The following FRAS1 variants were observed in gnomAD, a reference collection of about 807,000 sequenced individuals.
FRAS1 encodes Fraser extracellular matrix complex subunit 1, also known as extracellular matrix organizing protein FRAS1.
A neutral mutation model predicts 435.2 loss-of-function variants in FRAS1; 290 were observed. The observed-to-expected ratio is 0.67, with a 90% CI of 0.61 to 0.73. The LOEUF is 0.73. Among genes scored for constraint, FRAS1 ranks in the 30% least tolerant of loss-of-function variants. The pLI is 0.00. For synonymous variants in FRAS1, 1,800 were observed against 1,851.0 expected (o/e 0.97, Z 0.71); for missense variants, 4,860 against 5,001.5 (o/e 0.97, Z 0.85).
At chr4:78,174,632 TA>T (rs1285154157) in intron 2 of FRAS1, among the ~76,000 whole-genome samples, 1 of 152,182 alleles carries the variant, frequency 6.6e-6, no homozygotes, top group East Asian at 1.9e-4. Context: ...ATAAGCCAAG[TA>T]TTTGGCTGAC....
At chr4:78,464,692 A>G in intron 49 of FRAS1, 109 bp downstream of exon 49, 1 of 1,168,414 alleles carries the variant, frequency 8.6e-7, no homozygotes, top group Non-Finnish European at 1.2e-6. Flanking sequence ...CTGTAAGGTG[A>G]GTGCAAGCAT....
intron 32 of FRAS1, 51 bp downstream of exon 32, chr4:78,413,136 C>T (rs954882079): frequency 1.6e-5 from 17 of 1,055,032 alleles, no homozygotes; most frequent in South Asian, 1.0e-4. Context: ...GCACACAGCA[C>T]GCTGATGGGA....
At chr4:78,280,580 CTTT>C (rs34405763) in intron 10 of FRAS1, among the ~76,000 whole-genome samples, 9 of 141,872 alleles carry the variant, frequency 6.3e-5, no homozygotes, top group Admixed American at 7.0e-5. Flanking sequence ...TTCCTCCATA[CTTT>C]TTTTTTTTTT....
chr4:78,478,103 T>C, intron 55 of FRAS1, 42 bp downstream of exon 55: 2 of 1,527,142 alleles, frequency 1.3e-6, no homozygotes, highest in Admixed American at 4.1e-5. Context: ...TAATAATTGC[T>C]AACATTTATT....
In FRAS1 at chr4:78,252,439, T is replaced by G; in HGVS notation, c.357T>G (p.Asn119Lys). Residue 119 changes from asparagine to lysine, a missense_variant, in exon 5 of 74, where the codon AAT (asparagine) becomes AAG (lysine). Coordinates refer to ENST00000512123, the MANE Select transcript of FRAS1 (RefSeq NM_025074.7). Reference protein sequence around the residue: ...ASSPCSVCSCNHGEVRCTPQP... With the variant: ...ASSPCSVCSCKHGEVRCTPQP... ...CTCCATGTAGTGTGTGCTCTTGCAA[T>G]CATGGGGAAGTCCGATGTACCCCCC... 6.2e-7 allele frequency: 1 copy of G among 1,613,578 alleles called. No individual in the cohort carries two copies. Among genetic ancestry groups the G allele is most frequent in the Non-Finnish European group, 8.5e-7 (1 of 1,179,784 alleles).
chr4:78,291,040 A>C (rs1359810032), intron 14 of FRAS1, among the ~76,000 whole-genome samples: 1 of 152,198 alleles, frequency 6.6e-6, no homozygotes, highest in Non-Finnish European at 1.5e-5. Context: ...TGCTGGGATT[A>C]CAGGCGTGAG....
intron 2 of FRAS1, among the ~76,000 whole-genome samples, chr4:78,237,283 G>T (rs780015181): frequency 6.6e-6 from 1 of 152,120 alleles, no homozygotes; most frequent in Non-Finnish European, 1.5e-5. Flanking sequence ...GCTCTCTGCC[G>T]CATCCCCTTG....
At chr4:78,199,508 G>A (rs890377836) in intron 2 of FRAS1, among the ~76,000 whole-genome samples, 1 of 152,176 alleles carries the variant, frequency 6.6e-6, no homozygotes, top group Non-Finnish European at 1.5e-5. Flanking sequence ...TGTCTACAGA[G>A]CATGAAAGCA....
At chr4:78,124,646 T>C (rs542565907) in intron 2 of FRAS1, among the ~76,000 whole-genome samples, 1 of 152,316 alleles carries the variant, frequency 6.6e-6, no homozygotes, top group South Asian at 2.1e-4. Flanking sequence ...TTGCCTCCAT[T>C]TCAGAGTGTG....
intron 2 of FRAS1, among the ~76,000 whole-genome samples, chr4:78,081,478 A>G (rs1225382427): frequency 6.6e-6 from 1 of 152,142 alleles, no homozygotes; most frequent in African/African-American, 2.4e-5. Context: ...GATTGTAGGT[A>G]GTTCTGGGCT....
chr4:78,303,107 A>C (rs1311099304), intron 14 of FRAS1, among the ~76,000 whole-genome samples: 1 of 152,192 alleles, frequency 6.6e-6, no homozygotes, highest in African/African-American at 2.4e-5. Flanking sequence ...CCATTTATTA[A>C]ATAGGGAATC....
At chr4:78,097,765 G>A (rs545672592) in intron 2 of FRAS1, among the ~76,000 whole-genome samples, 1 of 152,332 alleles carries the variant, frequency 6.6e-6, no homozygotes, top group East Asian at 1.9e-4. Flanking sequence ...AGATTTGGAT[G>A]GGGATACAGA....
intron 2 of FRAS1, among the ~76,000 whole-genome samples, chr4:78,145,256 C>G (rs768795679): frequency 5.3e-5 from 8 of 152,122 alleles, no homozygotes; most frequent in Non-Finnish European, 8.8e-5. Flanking sequence ...GTACGCCTTA[C>G]TCTAGGTAGG....
chr4:78,152,763 C>T (rs572682481), intron 2 of FRAS1, among the ~76,000 whole-genome samples: 1 of 151,978 alleles, frequency 6.6e-6, no homozygotes, highest in Non-Finnish European at 1.5e-5. Flanking sequence ...TCACTGTGTG[C>T]TGAAGCACCA....
chr4:78,466,258 C>T lies in FRAS1; in HGVS notation c.7080C>T (p.Ile2360=), dbSNP rs770304597. The change falls in exon 50 of 74, where the codon ATC becomes ATT. Residue 2360 remains isoleucine (I), a synonymous_variant. Transcript: ENST00000512123. ...TIVQPPRHGT[I]ERTSNGQHFH... Reference sequence around the variant, plus strand: ...TGCAGCCTCCACGCCATGGCACCATCGAGCGAACCAGCAATGGGCAGCATT... The same window carrying T: ...TGCAGCCTCCACGCCATGGCACCATTGAGCGAACCAGCAATGGGCAGCATT... 10 of 1,613,908 alleles carry T rather than the reference C, an allele frequency of 6.2e-6. No individual in the cohort carries two copies. The East Asian group carries it at 6.7e-5, about 11-fold the overall frequency.
At chr4:78,158,734 GT>G (rs948143376) in intron 2 of FRAS1, among the ~76,000 whole-genome samples, 1 of 152,098 alleles carries the variant, frequency 6.6e-6, no homozygotes, top group African/African-American at 2.4e-5. Context: ...TTTGATTTCA[GT>G]TTTTTTGTAG....
rs372154997 is a variant in FRAS1, at chr4:78,430,407, G to T, written c.4959G>T (p.Pro1653=). The change falls in exon 37 of 74, where the codon CCG becomes CCT. Residue 1653 remains proline (P), a synonymous_variant. Transcript: ENST00000512123. ...LLKHTAEFRR[P]MATGDTFTYE... ...AGCATACAGCTGAGTTCCGAAGGCC[G>T]ATGGCCACAGGTAGCTACACACCTA... is the stretch of plus-strand genomic sequence containing the variant. The T allele has an allele frequency of 2.5e-6, 4 of 1,612,820 alleles. No individual in the cohort carries two copies. In the African/African-American group the frequency reaches 4.0e-5, roughly 16 times the overall value.
At position 78,265,128 on chromosome 4, in the gene FRAS1, A is replaced by G. The variant is rs779551290; in HGVS notation, c.687+20A>G. 2.4e-4 allele frequency: 381 copies of G among 1,575,540 alleles called. 6 individuals carry two copies. The Admixed American group carries it at 6.4e-3, about 26-fold the overall frequency. On this transcript the variant is annotated intron_variant, in intron 7 of 73. Coordinates refer to ENST00000512123, the MANE Select transcript of FRAS1 (RefSeq NM_025074.7). ...TACGAGGTAAGCTTTCATGCTCCCCATGTAGGTGTTTTGACATCCGTTCTC... is the reference window on the plus strand; with the variant it reads ...TACGAGGTAAGCTTTCATGCTCCCCGTGTAGGTGTTTTGACATCCGTTCTC...
intron 66 of FRAS1, among the ~76,000 whole-genome samples, chr4:78,516,767 A>G (rs1482589595): frequency 1.3e-5 from 2 of 152,164 alleles, no homozygotes; most frequent in East Asian, 3.9e-4. Context: ...AAACCATCAG[A>G]TCTCATGAGA....
Sources: allele counts gnomAD v4.1 joint callset (sites outside exome capture counted in the v4.1 genomes callset), GRCh38; gene constraint gnomAD v4.1.1; transcripts MANE v1.5; gene names NCBI Gene and HGNC (gene_info 2026-07-23, HGNC 2026-07-21).